The following KCNIP4 variants were observed in gnomAD, a reference collection of about 807,000 sequenced individuals.
KCNIP4 encodes Kv channel-interacting protein 4.
In KCNIP4, 12 loss-of-function variants were observed where a neutral mutation model predicts 34.0. The observed-to-expected ratio is 0.35, with a 90% confidence interval of 0.23 to 0.57. The LOEUF is 0.57. Among genes scored for constraint, KCNIP4 ranks in the 20% least tolerant of loss-of-function variants. The probability of loss-of-function intolerance (pLI) is 0.83; values close to 1 mark genes in which losing one functional copy is unlikely to be tolerated. For missense variants in KCNIP4, 238 were observed against 311.7 expected, an observed-to-expected ratio of 0.76 and a Z score of 1.78; for synonymous variants, 124 against 102.2, an observed-to-expected ratio of 1.21 and a Z score of -1.29.
rs1730567655 is a variant in KCNIP4 at position 21,472,616 on chromosome 4, T to C, written c.61+475955A>G. Among the ~76,000 whole-genome samples the C allele has an allele frequency of 3.3e-5, 5 of 152,172 alleles. No individual in the cohort carries two copies. In the South Asian group the frequency reaches 1.0e-3, roughly 32 times the overall value. On this transcript the variant is annotated intron_variant, in intron 1 of 8. Coordinates refer to ENST00000382152, the MANE Select transcript of KCNIP4 (RefSeq NM_025221.6). Reference sequence around the variant, plus strand: ...GAGCTGGGTTTTTCACTCATGAGTTTTGAGGAAACTGGTGTTTTTTCTTCC... The same window carrying C: ...GAGCTGGGTTTTTCACTCATGAGTTCTGAGGAAACTGGTGTTTTTTCTTCC...
intron 1 of KCNIP4, among the ~76,000 whole-genome samples, chr4:21,310,452 T>C (rs1055868270): frequency 3.9e-5 from 6 of 152,116 alleles, no homozygotes. Context: ...CCTATTCTGG[T>C]GCGCAAAATC....
intron 1 of KCNIP4, chr4:21,582,032 G>GAATAGAATA (rs1560534549): frequency 7.7e-4 from 41 of 53,576 alleles, no homozygotes; most frequent in Non-Finnish European, 1.6e-3. Flanking sequence ...AGAATAGAAT[G>GAATAGAATA]GAATGGAATG....
chr4:21,226,639 C>T (rs1187363140), intron 1 of KCNIP4, among the ~76,000 whole-genome samples: 3 of 152,090 alleles, frequency 2.0e-5, no homozygotes, highest in Non-Finnish European at 4.4e-5. Context: ...GGGAGGACTT[C>T]TGTAGTTAAG....
chr4:21,054,707 C>CAAAAAAAAAA (rs34366909), intron 1 of KCNIP4, among the ~76,000 whole-genome samples: 1 of 86,184 alleles, frequency 1.2e-5, no homozygotes, highest in African/African-American at 3.9e-5. Flanking sequence ...TACTCACATG[C>CAAAAAAAAAA]AAAAAAAAAA....
intron 2 of KCNIP4, among the ~76,000 whole-genome samples, chr4:20,864,043 C>CATACATAT (rs557688049): frequency 5.8e-4 from 55 of 95,010 alleles, no homozygotes; most frequent in Non-Finnish European, 7.0e-4. Context: ...TGTATGTATA[C>CATACATAT]GCATGTATGT....
At chr4:21,272,894 A>C (rs1367668980) in intron 1 of KCNIP4, among the ~76,000 whole-genome samples, 2 of 152,178 alleles carry the variant, frequency 1.3e-5, no homozygotes, top group South Asian at 4.1e-4. Context: ...CAGCACAATT[A>C]TTGTAAGTTG....
intron 1 of KCNIP4, among the ~76,000 whole-genome samples, chr4:20,899,893 G>C (rs573786198): frequency 6.6e-6 from 1 of 152,212 alleles, no homozygotes; most frequent in Non-Finnish European, 1.5e-5. Flanking sequence ...ACTCTGACTA[G>C]GCTTCATCCT....
intron 1 of KCNIP4, among the ~76,000 whole-genome samples, chr4:21,040,193 C>T (rs1168019238): frequency 1.3e-5 from 2 of 152,164 alleles, no homozygotes; most frequent in Non-Finnish European, 2.9e-5. Context: ...GGTGGGGAAA[C>T]AAAGCCTAAC....
intron 1 of KCNIP4, among the ~76,000 whole-genome samples, chr4:21,081,122 CTGTGGGGA>C (rs1745968732): frequency 6.6e-6 from 1 of 151,706 alleles, no homozygotes; most frequent in Admixed American, 6.6e-5. Flanking sequence ...GCATGATATA[CTGTGGGGA>C]CTGAATTTTA....
chr4:21,299,460 G>T (rs1764034260), intron 1 of KCNIP4, among the ~76,000 whole-genome samples: 1 of 152,062 alleles, frequency 6.6e-6, no homozygotes, highest in Non-Finnish European at 1.5e-5. Flanking sequence ...GGCGGTATAT[G>T]TATTCCCTTT....
At chr4:21,721,299 G>A (rs1033906765) in intron 1 of KCNIP4, among the ~76,000 whole-genome samples, 8 of 152,100 alleles carry the variant, frequency 5.3e-5, no homozygotes, top group Admixed American at 2.0e-4. Flanking sequence ...AAAAGATTAT[G>A]TATGATTATT....
chr4:21,670,504 T>C (rs903831092), intron 1 of KCNIP4, among the ~76,000 whole-genome samples: 3 of 151,764 alleles, frequency 2.0e-5, no homozygotes, highest in African/African-American at 4.8e-5. Context: ...CGCACCAGCA[T>C]GGCACATGTA....
chr4:21,754,423 T>C (rs1425714676), intron 1 of KCNIP4, among the ~76,000 whole-genome samples: 1 of 152,240 alleles, frequency 6.6e-6, no homozygotes, highest in Non-Finnish European at 1.5e-5. Context: ...GCTGAGTATC[T>C]GGCTTATTAT....
At chr4:21,088,341 AT>A (rs1435014119) in intron 1 of KCNIP4, among the ~76,000 whole-genome samples, 14 of 152,162 alleles carry the variant, frequency 9.2e-5, no homozygotes, top group African/African-American at 3.4e-4. Flanking sequence ...TGTGCATTCT[AT>A]TTCCTAAATA....
chr4:21,293,637 T>G (rs1239876900), intron 1 of KCNIP4, among the ~76,000 whole-genome samples: 1 of 152,204 alleles, frequency 6.6e-6, no homozygotes, highest in African/African-American at 2.4e-5. Flanking sequence ...GCTTTCTGTG[T>G]TCCCAGTCAT....
intron 1 of KCNIP4, among the ~76,000 whole-genome samples, chr4:21,493,414 G>T (rs1336045679): frequency 6.6e-6 from 1 of 150,840 alleles, no homozygotes; most frequent in Admixed American, 6.6e-5. Flanking sequence ...TCTCTATCCT[G>T]CTCCCCATCA....
At chr4:21,081,653 T>C (rs1255938666) in intron 1 of KCNIP4, among the ~76,000 whole-genome samples, 2 of 151,858 alleles carry the variant, frequency 1.3e-5, no homozygotes, top group Non-Finnish European at 2.9e-5. Flanking sequence ...GTCAGTAATT[T>C]GAAGTTCTAG....
In KCNIP4 at chr4:20,978,138, T is replaced by C. The variant is rs182237724; in HGVS notation, c.62-95429A>G. Among the ~76,000 whole-genome samples the C allele has an allele frequency of 3.9e-5, 6 of 152,236 alleles. No homozygotes were observed. In the East Asian group the frequency reaches 9.6e-4, roughly 24 times the overall value. ...GGACTCTGCAACTCATTGTTGGTTATCTTAATTGAAATTATCTCCCTGGCT... is the reference window on the plus strand; with the variant it reads ...GGACTCTGCAACTCATTGTTGGTTACCTTAATTGAAATTATCTCCCTGGCT... On this transcript the variant is annotated intron_variant, in intron 1 of 8. Transcript: ENST00000382152.
At chr4:21,147,956 A>AAAAAAAAAAAAAAAAAAG (rs1553945843) in intron 1 of KCNIP4, among the ~76,000 whole-genome samples, 1 of 128,428 alleles carries the variant, frequency 7.8e-6, no homozygotes, top group Non-Finnish European at 1.6e-5. Context: ...AAAAAAAAAA[A>AAAAAAAAAAAAAAAAAAG]AAAAGAAAAA....
Sources: gnomAD v4.1 joint callset for allele counts (sites outside exome capture counted in the v4.1 genomes callset) on GRCh38, gnomAD v4.1.1 for gene constraint, MANE v1.5 for transcripts, NCBI Gene and HGNC (gene_info 2026-07-23, HGNC 2026-07-21) for gene names.